The following NAA11 variants were observed in gnomAD, a reference collection of about 807,000 sequenced individuals.
NAA11 encodes N-alpha-acetyltransferase 11.
A neutral mutation model predicts 16.1 loss-of-function variants in NAA11; 15 were observed. The observed-to-expected ratio is 0.93, with a 90% CI of 0.62 to 1.44. The LOEUF (loss-of-function observed/expected upper bound fraction) is 1.44. Ranked by LOEUF, NAA11 falls within the 40% of genes most tolerant of loss-of-function variation. The pLI is 0.00. For missense variants in NAA11, 298 were observed against 291.3 expected (o/e 1.02, Z -0.17); for synonymous variants, 122 against 112.4 (o/e 1.09, Z -0.54).
At chr4:79,191,295 G>A in the NAA11 span, among the ~76,000 whole-genome samples, 8 of 151,964 alleles carry the variant, frequency 5.3e-5, no homozygotes, top group South Asian at 1.5e-3. Context: ...ACCAACAGTG[G>A]GTAAGTGTTC....
At chr4:79,177,162 A>ATT in the NAA11 span, among the ~76,000 whole-genome samples, 63 of 151,662 alleles carry the variant, frequency 4.2e-4, no homozygotes, top group African/African-American at 1.4e-3. Context: ...ATGAATTTTT[A>ATT]TTTTTTTTAC....
chr4:79,167,847 A>AC, the NAA11 span, among the ~76,000 whole-genome samples: 2 of 151,432 alleles, frequency 1.3e-5, no homozygotes, highest in African/African-American at 4.9e-5. Context: ...AGTGCTACAC[A>AC]CTTTTTTTTT....
At chr4:79,200,944 A>T in the NAA11 span, among the ~76,000 whole-genome samples, 1 of 151,666 alleles carries the variant, frequency 6.6e-6, no homozygotes, top group East Asian at 1.9e-4. Flanking sequence ...CTAATAAGCC[A>T]TATATATTAT....
chr4:79,237,537 T>A (rs1414993758), intron 2 of NAA11, among the ~76,000 whole-genome samples: 1 of 152,228 alleles, frequency 6.6e-6, no homozygotes, highest in Non-Finnish European at 1.5e-5. Context: ...AAGTATAGAA[T>A]TCAACGATTC....
At chr4:79,281,872 T>G (rs969776446) in intron 2 of NAA11, among the ~76,000 whole-genome samples, 1 of 152,074 alleles carries the variant, frequency 6.6e-6, no homozygotes, top group Non-Finnish European at 1.5e-5. Flanking sequence ...TCTAAAAGCC[T>G]AAAACAAAAC....
At chr4:79,281,835 A>G (rs1722798061) in intron 2 of NAA11, among the ~76,000 whole-genome samples, 1 of 152,140 alleles carries the variant, frequency 6.6e-6, no homozygotes, top group South Asian at 2.1e-4. Context: ...TCAGAGAGAC[A>G]GAAACTAAAC....
intron 2 of NAA11, among the ~76,000 whole-genome samples, chr4:79,251,572 A>G (rs1218323106): frequency 2.0e-5 from 3 of 152,118 alleles, no homozygotes; most frequent in Non-Finnish European, 2.9e-5. Flanking sequence ...ACAAACTCCC[A>G]TAACAGGCAA....
At chr4:79,190,158 T>C in the NAA11 span, among the ~76,000 whole-genome samples, 1 of 152,038 alleles carries the variant, frequency 6.6e-6, no homozygotes, top group South Asian at 2.1e-4. Flanking sequence ...TCGGGAAAAA[T>C]CCACTTCAAA....
chr4:79,224,232 G>A (rs891012691), downstream of NAA11, among the ~76,000 whole-genome samples: 9 of 152,014 alleles, frequency 5.9e-5, no homozygotes, highest in East Asian at 1.9e-4. Flanking sequence ...TTCCAAGGGC[G>A]GCCACTGCTA....
chr4:79,275,650 ATATT>A (rs1257051643), intron 2 of NAA11, among the ~76,000 whole-genome samples: 1 of 152,156 alleles, frequency 6.6e-6, no homozygotes, highest in African/African-American at 2.4e-5. Context: ...TTTATATTTG[ATATT>A]TATGTGAAGC....
At chr4:79,204,928 T>TATATAC in the NAA11 span, among the ~76,000 whole-genome samples, 10 of 147,786 alleles carry the variant, frequency 6.8e-5, no homozygotes, top group African/African-American at 1.2e-4. Context: ...ATGGTGTGTA[T>TATATAC]ACACACACAC....
intron 1 of NAA11, among the ~76,000 whole-genome samples, chr4:79,310,330 A>G (rs1364868203): frequency 6.6e-6 from 1 of 152,202 alleles, no homozygotes; most frequent in Non-Finnish European, 1.5e-5. Context: ...GGTACCCTTA[A>G]TATTTTCTGG....
intron 2 of NAA11, among the ~76,000 whole-genome samples, chr4:79,241,500 A>G (rs992068607): frequency 6.6e-6 from 1 of 152,234 alleles, no homozygotes; most frequent in Non-Finnish European, 1.5e-5. Context: ...AACAAGGACC[A>G]TAGTAATTTT....
At position 79,262,087 on chromosome 4, in the gene NAA11, G is replaced by A. The variant is rs1290996583; in HGVS notation, c.*122+31918C>T. On this transcript the variant is annotated intron_variant and NMD_transcript_variant, in intron 2 of 2. Coordinates refer to the NAA11 transcript ENST00000511542. ...GACTGAAAGTTTGTGGGAATAAAGT[G>A]GTCAATGGATTCGTACCCAGTCTTT... Among the ~76,000 whole-genome samples, 9 of 152,140 alleles carry A rather than the reference G, an allele frequency of 5.9e-5. 1 individual carries two copies. In the East Asian group the frequency reaches 1.5e-3, roughly 26 times the overall value.
chr4:79,213,631 T>C, the NAA11 span, among the ~76,000 whole-genome samples: 1 of 152,188 alleles, frequency 6.6e-6, no homozygotes, highest in South Asian at 2.1e-4. Flanking sequence ...GATTATCTTA[T>C]AGTTTATATG....
At chr4:79,261,298 A>G (rs1722239808) in intron 2 of NAA11, among the ~76,000 whole-genome samples, 1 of 152,114 alleles carries the variant, frequency 6.6e-6, no homozygotes, top group Non-Finnish European at 1.5e-5. Flanking sequence ...TGCTTCAGGT[A>G]TTGTTTTGGC....
the NAA11 span, among the ~76,000 whole-genome samples, chr4:79,199,499 T>G: frequency 6.6e-6 from 1 of 151,796 alleles, no homozygotes; most frequent in Non-Finnish European, 1.5e-5. Flanking sequence ...AAAATGCAAA[T>G]AAGTACCAAA....
the NAA11 span, among the ~76,000 whole-genome samples, chr4:79,189,928 T>C: frequency 2.0e-5 from 3 of 152,184 alleles, no homozygotes; most frequent in African/African-American, 7.2e-5. Context: ...TGGAGATAGC[T>C]ATAACTGAGA....
At chr4:79,253,410 A>C (rs1722037264) in intron 2 of NAA11, among the ~76,000 whole-genome samples, 1 of 152,224 alleles carries the variant, frequency 6.6e-6, no homozygotes, top group Non-Finnish European at 1.5e-5. Context: ...AGATGACCAA[A>C]GGAGTAAGTA....
Sources: allele counts gnomAD v4.1 joint callset (sites outside exome capture counted in the v4.1 genomes callset), GRCh38; gene constraint gnomAD v4.1.1; transcripts MANE v1.5; gene names NCBI Gene and HGNC (gene_info 2026-07-23, HGNC 2026-07-21).